ANKRD31: variants seen among roughly 807,000 people sequenced by gnomAD.
ANKRD31 encodes ankyrin repeat domain-containing protein 31.
Under a neutral mutation model 186.0 loss-of-function variants are expected in ANKRD31, and 147 were observed. The ratio of observed to expected loss-of-function variants is 0.79; its 90% CI spans 0.69 to 0.91. ANKRD31 has a LOEUF of 0.91. ANKRD31 is among the 40% of genes least tolerant of loss of function. The probability of loss-of-function intolerance (pLI) is 0.00; values close to 1 mark genes in which losing one functional copy is unlikely to be tolerated. For synonymous variants in ANKRD31, 673 were observed against 736.4 expected, an observed-to-expected ratio of 0.91 and a Z score of 1.39; for missense variants, 1,986 against 2,148.8, an observed-to-expected ratio of 0.92 and a Z score of 1.50.
At chr5:75,235,979 T>C (rs1758249067) in intron 1 of ANKRD31, among the ~76,000 whole-genome samples, 1 of 152,142 alleles carries the variant, frequency 6.6e-6, no homozygotes, top group Non-Finnish European at 1.5e-5. Context: ...CTGTGTACGA[T>C]CCAACTTAAG....
chr5:75,162,872 G>GA (rs76629287), intron 11 of ANKRD31, among the ~76,000 whole-genome samples: 5 of 151,128 alleles, frequency 3.3e-5, no homozygotes, highest in Non-Finnish European at 5.9e-5. Context: ...TTTTAGAAAG[G>GA]AAAAAAAAAT....
At chr5:75,145,893 T>A (rs1028109870) in intron 14 of ANKRD31, 94 bp downstream of exon 14, 7 of 1,112,802 alleles carry the variant, frequency 6.3e-6, no homozygotes, top group African/African-American at 1.6e-5. Context: ...TCTTCTCAGT[T>A]TGGCCATCGT....
intron 22 of ANKRD31, among the ~76,000 whole-genome samples, chr5:75,102,202 A>G (rs1305354100): frequency 1.3e-5 from 2 of 152,216 alleles, no homozygotes; most frequent in Non-Finnish European, 2.9e-5. Context: ...GGTCCACTCC[A>G]GATCCTGTTT....
At chr5:75,099,664 G>A (rs1303773504) in intron 22 of ANKRD31, among the ~76,000 whole-genome samples, 1 of 152,134 alleles carries the variant, frequency 6.6e-6, no homozygotes, top group African/African-American at 2.4e-5. Flanking sequence ...TCTTGGGAGG[G>A]TGTATGTGTC....
chr5:75,116,263 G>A, intron 19 of ANKRD31, among the ~76,000 whole-genome samples: 1 of 108,862 alleles, frequency 9.2e-6, no homozygotes, highest in Non-Finnish European at 1.8e-5. Flanking sequence ...CTGTTGTGGG[G>A]TGGGGGGAGG....
intron 21 of ANKRD31, among the ~76,000 whole-genome samples, chr5:75,106,245 G>C (rs1361162041): frequency 1.3e-5 from 2 of 152,134 alleles, no homozygotes; most frequent in East Asian, 3.9e-4. Context: ...TTAAAAAATA[G>C]TTTTGACTTC....
rs539177922 is a variant in ANKRD31, at chr5:75,103,684, A to C, written c.5331+544T>G. Among the ~76,000 whole-genome samples the C allele has an allele frequency of 3.8e-4, 58 of 152,330 alleles. 1 individual carries two copies. The South Asian group carries it at 4.8e-3, about 13-fold the overall frequency. On this transcript the variant is annotated intron_variant, in intron 22 of 25. Coordinates refer to ENST00000506364, the MANE Select transcript of ANKRD31 (RefSeq NM_001372053.1). ...CTATGCAGCCATAAAAAGGAACGAG[A>C]TCATGTCCTCTGCAGAGACATGAAT... is the stretch of plus-strand genomic sequence containing the variant.
chr5:75,087,334 C>T (rs1480278045), intron 23 of ANKRD31, among the ~76,000 whole-genome samples: 3 of 151,902 alleles, frequency 2.0e-5, no homozygotes, highest in African/African-American at 7.3e-5. Context: ...TGGTGAAACC[C>T]CGTCTCTACT....
intron 3 of ANKRD31, among the ~76,000 whole-genome samples, chr5:75,215,227 C>CA (rs1223365210): frequency 2.0e-5 from 3 of 152,144 alleles, no homozygotes; most frequent in Admixed American, 6.5e-5. Context: ...CTATTCAGGT[C>CA]TTCAACTGAT....
At chr5:75,103,361 G>A (rs895312503) in intron 22 of ANKRD31, among the ~76,000 whole-genome samples, 9 of 152,174 alleles carry the variant, frequency 5.9e-5, no homozygotes, top group Non-Finnish European at 1.3e-4. Flanking sequence ...TGATGCTGGC[G>A]AGGTTGCAGA....
intron 9 of ANKRD31, among the ~76,000 whole-genome samples, chr5:75,192,266 TGA>T (rs761457820): frequency 1.3e-5 from 2 of 152,320 alleles, no homozygotes; most frequent in Non-Finnish European, 2.9e-5. Context: ...TTATTGCTTC[TGA>T]GAGTTTTTTA....
chr5:75,170,699 C>T (rs1294746919), intron 10 of ANKRD31, among the ~76,000 whole-genome samples: 1 of 151,954 alleles, frequency 6.6e-6, no homozygotes, highest in Non-Finnish European at 1.5e-5. Context: ...GTCTACTGTT[C>T]CCTTCTTAAG....
At chr5:75,102,553 G>A (rs1201275731) in intron 22 of ANKRD31, among the ~76,000 whole-genome samples, 1 of 152,202 alleles carries the variant, frequency 6.6e-6, no homozygotes, top group South Asian at 2.1e-4. Context: ...AGGCATGAAG[G>A]CCTCCTTGAG....
intron 2 of ANKRD31, among the ~76,000 whole-genome samples, chr5:75,228,456 T>C (rs1757764350): frequency 1.3e-5 from 2 of 152,194 alleles, no homozygotes; most frequent in Non-Finnish European, 2.9e-5. Flanking sequence ...GCTAGGTAGT[T>C]TTCCTTTTGA....
At chr5:75,110,316 T>C (rs1747668312) in intron 20 of ANKRD31, among the ~76,000 whole-genome samples, 1 of 152,104 alleles carries the variant, frequency 6.6e-6, no homozygotes, top group South Asian at 2.1e-4. Context: ...GCAGCAGTTA[T>C]GGTAGAGAAG....
chr5:75,139,415 T>A (rs901801894), intron 15 of ANKRD31, among the ~76,000 whole-genome samples: 2 of 152,182 alleles, frequency 1.3e-5, no homozygotes, highest in Non-Finnish European at 2.9e-5. Flanking sequence ...TGGTTTTCCA[T>A]TTTTCTTTCA....
chr5:75,085,591 A>G lies in ANKRD31; in HGVS notation c.5473-1217T>C, dbSNP rs372393454. On this transcript the variant is annotated intron_variant, in intron 23 of 25. Coordinates refer to ENST00000506364, the MANE Select transcript of ANKRD31 (RefSeq NM_001372053.1). Reference sequence around the variant, plus strand: ...TAATTTTTGTATTTTTAGTAGATACAGGGTTTTGCCATGTTGGCCAGGGTG... The same window carrying G: ...TAATTTTTGTATTTTTAGTAGATACGGGGTTTTGCCATGTTGGCCAGGGTG... Among the ~76,000 whole-genome samples the G allele has an allele frequency of 2.3e-3, 346 of 152,214 alleles. 20 individuals are homozygous for G. In the South Asian group the frequency reaches 0.07, roughly 31 times the overall value.
chr5:75,114,705 G>A (rs1327721727), intron 19 of ANKRD31, among the ~76,000 whole-genome samples: 1 of 152,172 alleles, frequency 6.6e-6, no homozygotes, highest in East Asian at 1.9e-4. Flanking sequence ...TACAAGGGAT[G>A]TGAAGGACCT....
chr5:75,153,363 T>G (rs1751963113), intron 12 of ANKRD31, among the ~76,000 whole-genome samples: 1 of 152,146 alleles, frequency 6.6e-6, no homozygotes. Flanking sequence ...TAGGATTCGT[T>G]GTTACATACT....
Sources: allele counts gnomAD v4.1 joint callset (sites outside exome capture counted in the v4.1 genomes callset), GRCh38; gene constraint gnomAD v4.1.1; transcripts MANE v1.5; gene names NCBI Gene and HGNC (gene_info 2026-07-23, HGNC 2026-07-21).